Variants in HAO1 observed in about 807,000 individuals in gnomAD.
The protein encoded by HAO1 is 2-Hydroxyacid oxidase 1.
A neutral mutation model predicts 39.7 loss-of-function variants in HAO1; 34 were observed. The ratio of observed to expected loss-of-function variants is 0.86; its 90% CI spans 0.65 to 1.14. The LOEUF is 1.14. HAO1 is among the 50% of genes most tolerant of loss of function. The probability of loss-of-function intolerance (pLI) is 0.00; values close to 1 mark genes in which losing one functional copy is unlikely to be tolerated. For missense variants in HAO1, 479 were observed against 464.5 expected, an observed-to-expected ratio of 1.03 and a Z score of -0.29; for synonymous variants, 172 against 173.2, an observed-to-expected ratio of 0.99 and a Z score of 0.05.
intron 1 of HAO1, among the ~76,000 whole-genome samples, chr20:7,935,307 G>A (rs945980489): frequency 6.6e-6 from 1 of 151,852 alleles, no homozygotes; most frequent in African/African-American, 2.4e-5. Context: ...TCTAAATAAA[G>A]CCACTACAAA....
intron 2 of HAO1, among the ~76,000 whole-genome samples, chr20:7,919,559 A>G (rs1042349249): frequency 6.6e-6 from 1 of 152,200 alleles, no homozygotes; most frequent in Non-Finnish European, 1.5e-5. Context: ...ACAGGGTAGA[A>G]TGGATTGAAA....
intron 3 of HAO1, among the ~76,000 whole-genome samples, chr20:7,906,809 T>C (rs1040251150): frequency 6.6e-6 from 1 of 152,176 alleles, no homozygotes; most frequent in African/African-American, 2.4e-5. Context: ...ATGATTCCCA[T>C]AGAAAATAAA....
rs2050196795 is a variant in HAO1, at chr20:7,896,178, C to T, written c.722-954G>A. On this transcript the variant is annotated intron_variant, in intron 4 of 7. Transcript: ENST00000378789. ...ATAGATTACTGTTCTCTTAAATCTA[C>T]TTGCAACATTTAAAAACATATTTTA... Among the ~76,000 whole-genome samples the T allele has an allele frequency of 2.0e-5, 3 of 152,122 alleles. No individual in the cohort carries two copies. The South Asian group carries it at 6.2e-4, about 31-fold the overall frequency.
At chr20:7,931,657 G>A (rs2050386227) in intron 2 of HAO1, among the ~76,000 whole-genome samples, 1 of 152,128 alleles carries the variant, frequency 6.6e-6, no homozygotes, top group Non-Finnish European at 1.5e-5. Flanking sequence ...AAGGGGATAA[G>A]ACTGTAATAG....
rs75449290 is a variant in HAO1, at chr20:7,918,618, G to A, written c.290-4199C>T. Among the ~76,000 whole-genome samples, 12 of 152,212 alleles carry A rather than the reference G, an allele frequency of 7.9e-5. No individual in the cohort carries two copies. In the South Asian group the frequency reaches 1.5e-3, roughly 18 times the overall value. ...ACTTAAACATCAGTGCCGGCAGAGC[G>A]GGGGGCATCCACCCTGTTAGAGCGC... is the stretch of plus-strand genomic sequence containing the variant. On this transcript the variant is annotated intron_variant, in intron 2 of 7. Coordinates refer to ENST00000378789, the MANE Select transcript of HAO1 (RefSeq NM_017545.3).
intron 4 of HAO1, among the ~76,000 whole-genome samples, chr20:7,898,757 T>C (rs775327154): frequency 6.6e-6 from 1 of 152,288 alleles, no homozygotes. Flanking sequence ...ATAGCTGTCA[T>C]ATTGCACAGC....
chr20:7,895,548 A>G (rs2050193326), intron 4 of HAO1, among the ~76,000 whole-genome samples: 1 of 151,962 alleles, frequency 6.6e-6, no homozygotes, highest in Admixed American at 6.6e-5. Context: ...ATAAGATTAT[A>G]CCATTTTATC....
chr20:7,930,615 G>C (rs1429957541), intron 2 of HAO1, among the ~76,000 whole-genome samples: 3 of 152,094 alleles, frequency 2.0e-5, no homozygotes, highest in African/African-American at 7.2e-5. Context: ...AATAAAAGAG[G>C]GTGTGTTCAT....
chr20:7,895,329 A>G, intron 4 of HAO1, 105 bp from the exon 5 acceptor site: 1 of 720,396 alleles, frequency 1.4e-6, no homozygotes, highest in South Asian at 1.6e-5. Flanking sequence ...TCCCATCTGC[A>G]TACCTGGGTC....
At chr20:7,917,628 A>G (rs2050313138) in intron 2 of HAO1, among the ~76,000 whole-genome samples, 1 of 152,172 alleles carries the variant, frequency 6.6e-6, no homozygotes, top group African/African-American at 2.4e-5. Context: ...GGTCCTCCGT[A>G]CACTGGAGGT....
chr20:7,909,444 T>A (rs1401169792), intron 3 of HAO1, among the ~76,000 whole-genome samples: 1 of 144,592 alleles, frequency 6.9e-6, no homozygotes, highest in East Asian at 2.0e-4. Context: ...TTCCATTTCA[T>A]AAGAAAAAAA....
intron 1 of HAO1, among the ~76,000 whole-genome samples, chr20:7,935,850 C>G (rs7269597): frequency 0.013 from 1,987 of 152,224 alleles, 37 homozygotes; most frequent in African/African-American, 0.043. Context: ...AGCCCTATTT[C>G]TAGTATGCAT....
intron 3 of HAO1, among the ~76,000 whole-genome samples, chr20:7,907,370 G>T (rs938833104): frequency 6.6e-6 from 1 of 152,194 alleles, no homozygotes; most frequent in East Asian, 1.9e-4. Context: ...CTCCCTCACC[G>T]CTAGGTAGAC....
intron 2 of HAO1, among the ~76,000 whole-genome samples, chr20:7,922,225 A>C (rs2050336792): frequency 6.6e-6 from 1 of 152,184 alleles, no homozygotes; most frequent in African/African-American, 2.4e-5. Context: ...TATCAGGGAA[A>C]TTTAAATTAA....
intron 2 of HAO1, among the ~76,000 whole-genome samples, chr20:7,917,277 T>C (rs777559368): frequency 6.7e-6 from 1 of 149,476 alleles, no homozygotes; most frequent in Non-Finnish European, 1.5e-5. Context: ...GAGGCGGAGA[T>C]TGCAGTGAGC....
chr20:7,893,761 T>C (rs2050184508), intron 5 of HAO1, among the ~76,000 whole-genome samples: 2 of 152,132 alleles, frequency 1.3e-5, no homozygotes, highest in Non-Finnish European at 1.5e-5. Context: ...AACCCAGTTT[T>C]TCAGAGAGAC....
chr20:7,926,679 T>C (rs2050360657), intron 2 of HAO1, among the ~76,000 whole-genome samples: 1 of 152,178 alleles, frequency 6.6e-6, no homozygotes, highest in South Asian at 2.1e-4. Flanking sequence ...TGTGTTACTC[T>C]GCAATCTGTT....
chr20:7,919,385 A>G (rs2050321005), intron 2 of HAO1, among the ~76,000 whole-genome samples: 1 of 152,066 alleles, frequency 6.6e-6, no homozygotes, highest in Admixed American at 6.6e-5. Flanking sequence ...TTCTTTAATT[A>G]AACAGTGATA....
intron 5 of HAO1, among the ~76,000 whole-genome samples, chr20:7,894,043 T>C (rs930730770): frequency 1.3e-5 from 2 of 152,120 alleles, no homozygotes; most frequent in Admixed American, 1.3e-4. Context: ...GCAAAAAATA[T>C]CTGCAACATC....
Sources: gnomAD v4.1 joint callset for allele counts (sites outside exome capture counted in the v4.1 genomes callset) on GRCh38, gnomAD v4.1.1 for gene constraint, MANE v1.5 for transcripts, NCBI Gene and HGNC (gene_info 2026-07-23, HGNC 2026-07-21) for gene names.